The following NEMP2 variants were observed in gnomAD, a reference collection of about 807,000 sequenced individuals.
The protein encoded by NEMP2 is UPF0571 transmembrane protein.
NEMP2 carries 53 observed loss-of-function variants against 54.2 expected under a neutral mutation model. The ratio of observed to expected loss-of-function variants is 0.98; its 90% CI spans 0.78 to 1.23. NEMP2 has a LOEUF of 1.23. Ranked by LOEUF, NEMP2 falls within the 50% of genes most tolerant of loss-of-function variation. The pLI is 0.00. For missense variants in NEMP2, 455 were observed against 511.3 expected, an observed-to-expected ratio of 0.89 and a Z score of 1.06; for synonymous variants, 197 against 190.3, an observed-to-expected ratio of 1.04 and a Z score of -0.29.
Position 190,522,326 on chromosome 2 carries a change from A to G in NEMP2, c.213+2937T>C, listed in dbSNP as rs1690779127. ...TAGAGCCCAAACCCCAGCATTACAC[A>G]ATATATCCATGTGACAAACCTGCAC... On this transcript the variant is annotated intron_variant, in intron 2 of 8. Transcript: ENST00000409150. This position sits in a 1 kb window ranked among gnomAD's most constrained non-coding sequence, Gnocchi z 5.0. Among the ~76,000 whole-genome samples the G allele has an allele frequency of 6.6e-6, 1 of 152,134 alleles. No individual in the cohort carries two copies. Among genetic ancestry groups the G allele is most frequent in the Non-Finnish European group, 1.5e-5 (1 of 68,022 alleles).
chr2:190,545,134 GA>G, the NEMP2 span, among the ~76,000 whole-genome samples: 105,237 of 151,368 alleles, frequency 0.7, 38,004 homozygotes, highest in Admixed American at 0.78. Flanking sequence ...AAAAAAGTAA[GA>G]AAAAAAAAGA....
At chr2:190,648,506 G>A in the NEMP2 span, 1 of 138,238 alleles carries the variant, frequency 7.2e-6, no homozygotes, top group Non-Finnish European at 1.6e-5. Context: ...GGGGAGCCCG[G>A]CGCGCTGTTG....
chr2:190,637,189 A>G, the NEMP2 span, among the ~76,000 whole-genome samples: 5 of 152,254 alleles, frequency 3.3e-5, no homozygotes, highest in Non-Finnish European at 7.3e-5. The surrounding 1 kb of genome is among the most constrained non-coding windows in gnomAD (Gnocchi z 4.5). Context: ...GTAAGTACAG[A>G]AAGCATAAAT....
At chr2:190,633,726 A>G in the NEMP2 span, among the ~76,000 whole-genome samples, 10 of 152,224 alleles carry the variant, frequency 6.6e-5, no homozygotes, top group Non-Finnish European at 1.0e-4. Flanking sequence ...CAATAGAGAG[A>G]TAACATATCA....
the NEMP2 span, among the ~76,000 whole-genome samples, chr2:190,577,859 T>C: frequency 6.6e-6 from 1 of 151,972 alleles, no homozygotes; most frequent in Non-Finnish European, 1.5e-5. This position sits in a 1 kb window ranked among gnomAD's most constrained non-coding sequence, Gnocchi z 4.8. Context: ...GGTGACAGAG[T>C]GAGACTCCAT....
the NEMP2 span, among the ~76,000 whole-genome samples, chr2:190,441,376 C>T: frequency 4.6e-5 from 7 of 151,156 alleles, no homozygotes; most frequent in Non-Finnish European, 1.0e-4. Flanking sequence ...AGGCATTCAA[C>T]GTTTTTACAG....
the NEMP2 span, among the ~76,000 whole-genome samples, chr2:190,599,642 AG>A: frequency 3.5e-4 from 54 of 152,240 alleles, 1 homozygote; most frequent in Non-Finnish European, 5.9e-5. Flanking sequence ...GCCCCTAGTC[AG>A]GAATCGGTTT....
chr2:190,438,482 C>T, the NEMP2 span, among the ~76,000 whole-genome samples: 1 of 152,210 alleles, frequency 6.6e-6, no homozygotes, highest in Non-Finnish European at 1.5e-5. This position sits in a 1 kb window ranked among gnomAD's most constrained non-coding sequence, Gnocchi z 5.2. Context: ...CACCACTGCA[C>T]ACCAGCCTGG....
chr2:190,461,409 C>T, the NEMP2 span, among the ~76,000 whole-genome samples: 1 of 151,886 alleles, frequency 6.6e-6, no homozygotes, highest in African/African-American at 2.4e-5. The surrounding 1 kb of genome is among the most constrained non-coding windows in gnomAD (Gnocchi z 5.5). Flanking sequence ...AGTGTTGTAT[C>T]CTTTTAGAGA....
the NEMP2 span, among the ~76,000 whole-genome samples, chr2:190,552,045 A>G: frequency 6.6e-6 from 1 of 152,190 alleles, no homozygotes. Context: ...GAGAAATCGT[A>G]AGATCTAGAT....
downstream of NEMP2, chr2:190,504,301 G>T: frequency 6.6e-6 from 1 of 152,258 alleles, no homozygotes. This position sits in a 1 kb window ranked among gnomAD's most constrained non-coding sequence, Gnocchi z 5.6. Flanking sequence ...AAAGAGCCCG[G>T]GGCAGGAGGA....
At position 190,510,585 on chromosome 2, in the gene NEMP2, A is replaced by T. The variant is rs1690325677; in HGVS notation, c.954-48T>A. ...AGGATTACTTCCTAATTCAATCCTT[A>T]AGATTTACAAAAATAGGCCAGGCTC... On this transcript the variant is annotated intron_variant, in intron 7 of 8. Transcript: ENST00000409150. The surrounding 1 kb of genome is among the most constrained non-coding windows in gnomAD (Gnocchi z 5.7). 2 of 1,543,442 alleles carry T rather than the reference A, an allele frequency of 1.3e-6. No individual in the cohort carries two copies. Among genetic ancestry groups the T allele is most frequent in the Non-Finnish European group, 1.8e-6 (2 of 1,140,180 alleles).
the NEMP2 span, among the ~76,000 whole-genome samples, chr2:190,548,656 T>G: frequency 6.6e-6 from 1 of 152,272 alleles, no homozygotes. Flanking sequence ...TTGTTAAAAT[T>G]CTTTGTTGTG....
chr2:190,445,725 G>A, the NEMP2 span, among the ~76,000 whole-genome samples: 1 of 152,224 alleles, frequency 6.6e-6, no homozygotes, highest in Non-Finnish European at 1.5e-5. Flanking sequence ...TTCATTTGCA[G>A]AGTCAGTTGG....
chr2:190,499,421 T>C (rs1056831422), downstream of NEMP2, among the ~76,000 whole-genome samples: 1 of 152,218 alleles, frequency 6.6e-6, no homozygotes, highest in South Asian at 2.1e-4. The surrounding 1 kb of genome is among the most constrained non-coding windows in gnomAD (Gnocchi z 6.0). Context: ...GTTCTACTCA[T>C]GGTTATTTAC....
Position 190,504,794 on chromosome 2 carries a change from T to A in NEMP2, c.*4395A>T, listed in dbSNP as rs1690149033. 1 of 152,202 alleles carries A rather than the reference T, an allele frequency of 6.6e-6. No individual in the cohort carries two copies. 9.4% of individuals were successfully genotyped at this position (152,202 alleles called of 1,614,324 possible). On this transcript the variant is annotated 3_prime_UTR_variant, in exon 9 of 9. Coordinates refer to ENST00000409150, the MANE Select transcript of NEMP2 (RefSeq NM_001142645.2). The surrounding 1 kb of genome is among the most constrained non-coding windows in gnomAD (Gnocchi z 5.6). ...GTTTCCTGAAAAGATCACTGGCATC[T>A]TAGAAAAATAACATGTAGACCAGTG...
chr2:190,594,234 AC>A, the NEMP2 span, among the ~76,000 whole-genome samples: 2 of 152,070 alleles, frequency 1.3e-5, no homozygotes, highest in Non-Finnish European at 2.9e-5. This position sits in a 1 kb window ranked among gnomAD's most constrained non-coding sequence, Gnocchi z 5.6. Context: ...TCAGGCCTCA[AC>A]CCCAAGGTAA....
At position 190,517,661 on chromosome 2, in the gene NEMP2, T is replaced by G; in HGVS notation, c.519-48A>C. ...GCTATTTAAATGCCAAAAAGCACTT[T>G]GAGTATGAAAAACATGTTTAACCTG... On this transcript the variant is annotated intron_variant, in intron 4 of 8. Transcript: ENST00000409150. 2.2e-6 allele frequency: 3 copies of G among 1,366,518 alleles called. No homozygotes were observed. The South Asian group carries it at 3.9e-5, about 18-fold the overall frequency. The allele number at this position is 1,366,518 out of a possible 1,614,324, so 84.6% of individuals were successfully genotyped here. A position where few individuals can be genotyped will look rare whatever the true frequency, so the allele number is the denominator to read the frequency against.
chr2:190,426,819 T>C, the NEMP2 span, among the ~76,000 whole-genome samples: 8 of 149,214 alleles, frequency 5.4e-5, no homozygotes, highest in Middle Eastern at 3.5e-3. The surrounding 1 kb of genome is among the most constrained non-coding windows in gnomAD (Gnocchi z 4.7). Flanking sequence ...TGGGTATTAT[T>C]TTATGAGACT....
Sources: allele counts gnomAD v4.1 joint callset (sites outside exome capture counted in the v4.1 genomes callset), GRCh38; gene constraint gnomAD v4.1.1; non-coding constraint Gnocchi (gnomAD v3.1); transcripts MANE v1.5; gene names NCBI Gene and HGNC (gene_info 2026-07-23, HGNC 2026-07-21).